Variants in SDK1 observed in about 807,000 individuals in gnomAD.
The protein encoded by SDK1 is sidekick cell adhesion molecule 1.
In SDK1, 157 loss-of-function variants were observed where a neutral mutation model predicts 245.5. That is an observed-to-expected ratio of 0.64 (90% confidence interval 0.56 to 0.73). The LOEUF (loss-of-function observed/expected upper bound fraction) is 0.73, where lower values mean the gene tolerates loss of function less well. Among genes scored for constraint, SDK1 ranks in the 30% least tolerant of loss-of-function variants. The pLI is 0.00. For missense variants in SDK1, 3,583 were observed against 3,002.3 expected, an observed-to-expected ratio of 1.19 and a Z score of -4.52; for synonymous variants, 1,647 against 1,278.5, an observed-to-expected ratio of 1.29 and a Z score of -6.15.
intron 1 of SDK1, among the ~76,000 whole-genome samples, chr7:3,410,696 C>G (rs543710691): frequency 5.9e-4 from 87 of 146,674 alleles, no homozygotes; most frequent in Non-Finnish European, 1.0e-3. Flanking sequence ...AAGCAGTTCT[C>G]TTGCCTCAGC....
chr7:3,855,946 T>C (rs1471727935), intron 5 of SDK1, among the ~76,000 whole-genome samples: 1 of 152,194 alleles, frequency 6.6e-6, no homozygotes, highest in African/African-American at 2.4e-5. Context: ...ATAAATGATG[T>C]ACTCCAGCAG....
Position 3,987,300 on chromosome 7 carries a change from C to G in SDK1, c.2109C>G (p.Tyr703Ter), listed in dbSNP as rs1259881633. The change falls in exon 14 of 45, where the codon TAC becomes TAG. Residue 703 changes from tyrosine (Y) to a stop codon, truncating the protein, a stop_gained. Transcript: ENST00000404826. LOFTEE classifies it high-confidence loss of function. ...PFDGNSPILY[Y>*]IVELSENNSP... is the part of the protein sequence containing the mutation. ...ATGGAAACAGTCCTATTCTTTATTA[C>G]ATCGTGGAGCTCTCTGAAAACAGTA... is the stretch of plus-strand genomic sequence containing the variant. The G allele has an allele frequency of 6.2e-7, 1 of 1,614,030 alleles. No homozygotes were observed. The highest frequency in any genetic ancestry group is 8.5e-7 in the Non-Finnish European group (1 of 1,179,940).
At chr7:3,843,116 C>T (rs1281323092) in intron 5 of SDK1, among the ~76,000 whole-genome samples, 1 of 152,166 alleles carries the variant, frequency 6.6e-6, no homozygotes, top group Non-Finnish European at 1.5e-5. Flanking sequence ...ACAGCTCTTT[C>T]TCGGGGCCCT....
intron 4 of SDK1, among the ~76,000 whole-genome samples, chr7:3,754,580 C>G (rs980772458): frequency 7.2e-5 from 11 of 151,988 alleles, no homozygotes; most frequent in African/African-American, 1.7e-4. Context: ...TCCCTGCATT[C>G]TCCAGTGTTC....
intron 1 of SDK1, among the ~76,000 whole-genome samples, chr7:3,543,679 G>C (rs1485244116): frequency 6.6e-6 from 1 of 152,216 alleles, no homozygotes. Context: ...TGTTGAGTGA[G>C]ATTGTGTTAC....
chr7:3,789,568 A>T (rs2115021535), intron 4 of SDK1, among the ~76,000 whole-genome samples: 1 of 152,374 alleles, frequency 6.6e-6, no homozygotes, highest in South Asian at 2.1e-4. Flanking sequence ...TCACGTGTAT[A>T]TACTTTGGGA....
intron 4 of SDK1, among the ~76,000 whole-genome samples, chr7:3,756,117 T>C (rs1303548349): frequency 6.6e-6 from 1 of 151,566 alleles, no homozygotes; most frequent in Non-Finnish European, 1.5e-5. Flanking sequence ...TCATTGATGT[T>C]TTGAACCTGA....
chr7:3,564,599 T>TG (rs1779850197), intron 1 of SDK1, among the ~76,000 whole-genome samples: 1 of 152,060 alleles, frequency 6.6e-6, no homozygotes, highest in African/African-American at 2.4e-5. Flanking sequence ...TTAATAAATT[T>TG]GGGGGAAAAG....
At chr7:3,397,688 G>C (rs963409688) in intron 1 of SDK1, among the ~76,000 whole-genome samples, 8 of 151,900 alleles carry the variant, frequency 5.3e-5, no homozygotes, top group Non-Finnish European at 7.4e-5. Context: ...TGAACTTCTT[G>C]GATATGTAAT....
intron 1 of SDK1, among the ~76,000 whole-genome samples, chr7:3,495,252 CTTTTTTTTTTTT>C (rs71029675): frequency 4.0e-5 from 4 of 99,766 alleles, no homozygotes; most frequent in Admixed American, 1.3e-4. Context: ...CATAATGGTT[CTTTTTTTTTTTT>C]TTTTTTTTTT....
At chr7:3,733,580 G>T (rs148139929) in intron 4 of SDK1, among the ~76,000 whole-genome samples, 1 of 152,222 alleles carries the variant, frequency 6.6e-6, no homozygotes, top group East Asian at 1.9e-4. Context: ...CCATGTTTAA[G>T]GTCTGTGTTT....
At chr7:3,980,602 C>G (rs1009486970) in intron 13 of SDK1, among the ~76,000 whole-genome samples, 1 of 152,190 alleles carries the variant, frequency 6.6e-6, no homozygotes, top group Non-Finnish European at 1.5e-5. Context: ...ATGGGTTAGT[C>G]AAGGATCTCA....
intron 5 of SDK1, among the ~76,000 whole-genome samples, chr7:3,950,298 A>T (rs923576504): frequency 8.5e-5 from 13 of 152,182 alleles, no homozygotes; most frequent in African/African-American, 3.1e-4. Context: ...GGTAGGGGCC[A>T]TGAAATTTGG....
chr7:3,939,984 C>T (rs760574808), intron 5 of SDK1, among the ~76,000 whole-genome samples: 1 of 152,370 alleles, frequency 6.6e-6, no homozygotes, highest in Non-Finnish European at 1.5e-5. Flanking sequence ...CACCTTGAGA[C>T]GCGTAGGCAA....
At chr7:3,681,323 A>C (rs1002022709) in intron 4 of SDK1, among the ~76,000 whole-genome samples, 1 of 152,058 alleles carries the variant, frequency 6.6e-6, no homozygotes, top group African/African-American at 2.4e-5. Flanking sequence ...ATTGCTGTTT[A>C]AGATTCCATT....
At chr7:4,080,579 T>TA (rs1177147030) in intron 22 of SDK1, among the ~76,000 whole-genome samples, 1 of 152,172 alleles carries the variant, frequency 6.6e-6, no homozygotes, top group African/African-American at 2.4e-5. Flanking sequence ...TCTGAAAGTC[T>TA]AAGGAGGATC....
chr7:3,533,415 A>G (rs558289544), intron 1 of SDK1, among the ~76,000 whole-genome samples: 4 of 152,330 alleles, frequency 2.6e-5, no homozygotes, highest in South Asian at 4.1e-4. Context: ...TCAAAATAAC[A>G]TGAATTTTAT....
chr7:3,544,746 T>C (rs1779163824), intron 1 of SDK1, among the ~76,000 whole-genome samples: 1 of 152,188 alleles, frequency 6.6e-6, no homozygotes. Flanking sequence ...TAGGTTATGC[T>C]ACAGCACTTA....
intron 8 of SDK1, among the ~76,000 whole-genome samples, chr7:3,960,138 G>C (rs1053937582): frequency 6.6e-6 from 1 of 152,222 alleles, no homozygotes; most frequent in Non-Finnish European, 1.5e-5. Flanking sequence ...TCCTAAAAGA[G>C]AGATGATTTT....
Sources: allele counts gnomAD v4.1 joint callset (sites outside exome capture counted in the v4.1 genomes callset), GRCh38; gene constraint gnomAD v4.1.1; transcripts MANE v1.5; gene names NCBI Gene and HGNC (gene_info 2026-07-23, HGNC 2026-07-21).